Variants in TAPT1 observed in about 807,000 individuals in gnomAD.
The protein encoded by TAPT1 is transmembrane anterior posterior transformation protein 1 homolog.
TAPT1 carries 28 observed loss-of-function variants against 65.6 expected under a neutral mutation model. The observed-to-expected ratio is 0.43, with a 90% confidence interval of 0.32 to 0.59. The LOEUF is 0.59. TAPT1 is among the 20% of genes least tolerant of loss of function. TAPT1 has a pLI of 0.09. For synonymous variants in TAPT1, 278 were observed against 245.2 expected, an observed-to-expected ratio of 1.13 and a Z score of -1.25; for missense variants, 563 against 679.9, an observed-to-expected ratio of 0.83 and a Z score of 1.91.
At chr4:16,210,133 G>C (rs1174189836) in intron 2 of TAPT1, among the ~76,000 whole-genome samples, 1 of 152,134 alleles carries the variant, frequency 6.6e-6, no homozygotes, top group Non-Finnish European at 1.5e-5. Context: ...CTTCATGAAA[G>C]AGATCAGCTT....
intron 2 of TAPT1, among the ~76,000 whole-genome samples, chr4:16,209,278 AT>A (rs1488359332): frequency 6.6e-6 from 1 of 152,066 alleles, no homozygotes; most frequent in African/African-American, 2.4e-5. Context: ...TTCATATTTT[AT>A]TTGTACTATT....
In TAPT1 at chr4:16,171,478, T is replaced by G. The variant is rs369206845; in HGVS notation, c.1237-749A>C. On this transcript the variant is annotated intron_variant, in intron 11 of 13. Transcript: ENST00000405303. ...CTATGCCCATATGTTAAAAGAGAAA[T>G]AGAGAATTAGGGAGAAGTCGTCTTA... 4.6e-5 allele frequency among the ~76,000 whole-genome samples: 7 copies of G among 152,140 alleles called. No individual in the cohort carries two copies. In the South Asian group the frequency reaches 6.2e-4, roughly 14 times the overall value.
In TAPT1 at chr4:16,171,144, T is replaced by G. The variant is rs941000366; in HGVS notation, c.1237-415A>C. On this transcript the variant is annotated intron_variant, in intron 11 of 13. Transcript: ENST00000405303. The stretch of plus-strand genomic sequence containing the variant: ...TGTCCACACCAAAGCTAGAATTATT[T>G]GGTGGGTGTTTCCTTATTCCTGCTT... Among the ~76,000 whole-genome samples, 3 of 152,230 alleles carry G rather than the reference T, an allele frequency of 2.0e-5. No individual in the cohort carries two copies. The East Asian group carries it at 5.8e-4, about 29-fold the overall frequency.
intron 1 of TAPT1, among the ~76,000 whole-genome samples, chr4:16,215,051 G>C (rs1054766909): frequency 6.6e-5 from 10 of 152,208 alleles, no homozygotes; most frequent in African/African-American, 2.4e-4. Context: ...CAACACTTTG[G>C]GAGGCCGAGG....
In TAPT1 at chr4:16,213,866, G is replaced by A. The variant is rs996274814; in HGVS notation, c.232C>T (p.Leu78=). The A allele has an allele frequency of 6.2e-7, 1 of 1,603,856 alleles. No homozygotes were observed. The highest frequency in any genetic ancestry group is 2.2e-5 in the East Asian group (1 of 44,520). ...LSLLRFLSAE[L]TRGYFLEHNE... The stretch of plus-strand genomic sequence containing the variant: ...TGTTCAAGGAAGTACCCTCTTGTTA[G>A]TTCAGCACTGAGGAACCTCAACAAT... The change falls in exon 2 of 14, where the codon CTA becomes TTA. Residue 78 remains leucine (L), a synonymous_variant. Coordinates refer to ENST00000405303, the MANE Select transcript of TAPT1 (RefSeq NM_153365.3).
chr4:16,211,185 T>C (rs1750633529), intron 2 of TAPT1, among the ~76,000 whole-genome samples: 1 of 151,536 alleles, frequency 6.6e-6, no homozygotes, highest in African/African-American at 2.4e-5. Flanking sequence ...CAAGTTTCTC[T>C]TCCTGAAAAG....
At chr4:16,181,288 G>T (rs906631125) in intron 7 of TAPT1, among the ~76,000 whole-genome samples, 1 of 152,116 alleles carries the variant, frequency 6.6e-6, no homozygotes, top group African/African-American at 2.4e-5. Flanking sequence ...ACAATGAAAT[G>T]TATTTATTTT....
intron 1 of TAPT1, chr4:16,215,946 C>A (rs1191350434): frequency 6.6e-6 from 1 of 152,096 alleles, no homozygotes; most frequent in African/African-American, 2.4e-5. Flanking sequence ...GTCAGTTTTC[C>A]AATCAGGAAA....
At chr4:16,200,012 C>T (rs957331454) in intron 3 of TAPT1, among the ~76,000 whole-genome samples, 6 of 152,150 alleles carry the variant, frequency 3.9e-5, no homozygotes, top group Non-Finnish European at 8.8e-5. Context: ...GGTGGAACTT[C>T]AAACAACTGT....
rs34007466 is a variant in TAPT1, at chr4:16,163,413, G to C, written c.1599C>G (p.Asp533Glu). The C allele has an allele frequency of 3.1e-6, 5 of 1,613,778 alleles. No individual in the cohort carries two copies. Among genetic ancestry groups the C allele is most frequent in the Non-Finnish European group, 4.2e-6 (5 of 1,179,834 alleles). The change falls in exon 14 of 14, where the codon GAC becomes GAG. Residue 533 changes from aspartate (D) to glutamate (E), a missense_variant. Around this residue, in one of 5 missense-constraint regions of TAPT1, gnomAD observed 136 missense variants for 153.9 expected, o/e 0.88. Transcript: ENST00000405303. ...AATTGTCCTGCGTTATGTCCTTCTC[G>C]TCACCATCTGGAGTTGTCAAAAACT... The part of the protein sequence containing the change: ...SDQFLTTPDG[D>E]EKDITQDNSE...
At position 16,161,553 on chromosome 4, in the gene TAPT1, G is replaced by A. The variant is rs1188709004; in HGVS notation, c.*1755C>T. ...GCTTTCCCCAAACTATTCCATTCACGGTGGCATTGTTCCTTTTGTTGGTAA... is the reference window on the plus strand; with the variant it reads ...GCTTTCCCCAAACTATTCCATTCACAGTGGCATTGTTCCTTTTGTTGGTAA... On this transcript the variant is annotated 3_prime_UTR_variant, in exon 14 of 14. Transcript: ENST00000405303. 6 of 152,638 alleles carry A rather than the reference G, an allele frequency of 3.9e-5. No individual in the cohort carries two copies. The highest frequency in any genetic ancestry group is 4.8e-5 in the African/African-American group (2 of 41,528). The allele number at this position is 152,638 out of a possible 1,614,324, so 9.5% of individuals were successfully genotyped here.
At chr4:16,166,298 A>T (rs900683719) in intron 13 of TAPT1, among the ~76,000 whole-genome samples, 3 of 152,204 alleles carry the variant, frequency 2.0e-5, no homozygotes, top group African/African-American at 7.2e-5. Flanking sequence ...GTTCCCCGTC[A>T]CTTGACATAG....
At chr4:16,174,474 G>A (rs1306916094) in intron 10 of TAPT1, 196 bp downstream of exon 10, 1 of 668,898 alleles carries the variant, frequency 1.5e-6, no homozygotes, top group Non-Finnish European at 2.5e-6. Flanking sequence ...ATGCTGCAAA[G>A]AGCATATACT....
chr4:16,213,489 G>A (rs1750760022), intron 2 of TAPT1, among the ~76,000 whole-genome samples: 1 of 152,186 alleles, frequency 6.6e-6, no homozygotes, highest in Admixed American at 6.5e-5. Context: ...TACAGAAGTA[G>A]AGATTAATTC....
chr4:16,186,970 T>C (rs1749058852), intron 5 of TAPT1, 92 bp from the exon 6 acceptor site: 2 of 695,218 alleles, frequency 2.9e-6, no homozygotes, highest in Non-Finnish European at 4.9e-6. Flanking sequence ...AAAGATGACT[T>C]TCTTTTCTAA....
At chr4:16,205,816 C>T (rs923359862) in intron 2 of TAPT1, among the ~76,000 whole-genome samples, 19 of 152,106 alleles carry the variant, frequency 1.2e-4, no homozygotes, top group Middle Eastern at 3.2e-3. Context: ...ATAAAAATCA[C>T]GTTCAGTTCA....
Position 16,166,991 on chromosome 4 carries a change from CT to C in TAPT1, c.1314-199del, listed in dbSNP as rs5856341. On this transcript the variant is annotated intron_variant, in intron 12 of 13. Coordinates refer to ENST00000405303, the MANE Select transcript of TAPT1 (RefSeq NM_153365.3). ...AAAAACTTCGGAATTCCTTAGTTCT[CT>C]TTTTTTTTTTTTTTTTTTTTGAGAC... is the stretch of plus-strand genomic sequence containing the variant. 22,489 of 159,632 alleles carry C rather than the reference CT, an allele frequency of 0.14. 304 individuals carry two copies. The highest frequency in any genetic ancestry group is 0.2 in the East Asian group (1,635 of 8,202). The allele number at this position is 159,632 out of a possible 1,614,324, so 9.9% of individuals were successfully genotyped here.
chr4:16,166,429 A>G (rs1474853468), intron 13 of TAPT1, among the ~76,000 whole-genome samples: 1 of 152,250 alleles, frequency 6.6e-6, no homozygotes, highest in Non-Finnish European at 1.5e-5. Flanking sequence ...CAGATGCTCA[A>G]TGTTGAACAG....
rs1432810295 is a variant in TAPT1 at position 16,202,515 on chromosome 4, T to C, written c.396A>G (p.Leu132=). ...AFLYVFTLLP[L]RVFLALFRLL... ...GCCTGAATAGTGCCAGGAAAACTCT[T>C]AAAGGAAGCAGGGTGAACACATACA... The change falls in exon 3 of 14, where the codon TTA becomes TTG. Residue 132 remains leucine (L), a synonymous_variant. Coordinates refer to ENST00000405303, the MANE Select transcript of TAPT1 (RefSeq NM_153365.3). 4 of 1,552,554 alleles carry C rather than the reference T, an allele frequency of 2.6e-6. No homozygotes were observed. The highest frequency in any genetic ancestry group is 3.5e-6 in the Non-Finnish European group (4 of 1,147,844).
Sources: gnomAD v4.1 joint callset for allele counts (sites outside exome capture counted in the v4.1 genomes callset) on GRCh38, gnomAD v4.1.1 for gene constraint, gnomAD v4.1.1 regional missense constraint, MANE v1.5 for transcripts, NCBI Gene and HGNC (gene_info 2026-07-23, HGNC 2026-07-21) for gene names.